Variants in PCDHGA6 observed in about 807,000 individuals in gnomAD.
PCDHGA6 encodes the protein protocadherin gamma-A6.
A neutral mutation model predicts 60.6 loss-of-function variants in PCDHGA6; 41 were observed. The observed-to-expected ratio is 0.68, with a 90% confidence interval of 0.53 to 0.88. PCDHGA6 has a LOEUF of 0.88. PCDHGA6 is among the 40% of genes least tolerant of loss of function. PCDHGA6 has a pLI of 0.00. For synonymous variants in PCDHGA6, 594 were observed against 524.4 expected (o/e 1.13, Z -1.81); for missense variants, 1,312 against 1,203.0 (o/e 1.09, Z -1.34).
intron 1 of PCDHGA6, chr5:141,405,303 G>C: frequency 1.2e-6 from 2 of 1,614,230 alleles, no homozygotes; most frequent in African/African-American, 1.3e-5. Context: ...AGCCAGCAGA[G>C]CTGTGAGAAA....
At chr5:141,420,311 T>C (rs762191274) in intron 1 of PCDHGA6, 102 of 1,454,698 alleles carry the variant, frequency 7.0e-5, no homozygotes, top group Non-Finnish European at 9.3e-5. Flanking sequence ...CTTTTTATAT[T>C]ACAATATGCC....
intron 1 of PCDHGA6, chr5:141,405,534 C>T: frequency 3.1e-6 from 2 of 648,486 alleles, no homozygotes; most frequent in Non-Finnish European, 5.3e-6. Flanking sequence ...ATTCTCCTGC[C>T]TCAGCCTCCC....
rs774113255 is a variant in PCDHGA6 at position 141,405,285 on chromosome 5, C to T, written c.2424+28778C>T. 3.7e-6 allele frequency: 6 copies of T among 1,614,080 alleles called. No individual in the cohort carries two copies. The Admixed American group carries it at 1.0e-4, about 27-fold the overall frequency. On this transcript the variant is annotated intron_variant, in intron 1 of 3. Coordinates refer to ENST00000517434, the MANE Select transcript of PCDHGA6 (RefSeq NM_018919.3). ...TTCCCCCAGCCCAACTATGCAGACACACTCATCAGCCAGCAGAGCTGTGAG... is the reference window on the plus strand; with the variant it reads ...TTCCCCCAGCCCAACTATGCAGACATACTCATCAGCCAGCAGAGCTGTGAG...
At chr5:141,393,735 G>C (rs1478004701) in intron 1 of PCDHGA6, 3 of 1,613,740 alleles carry the variant, frequency 1.9e-6, no homozygotes, top group Non-Finnish European at 1.7e-6. Context: ...AAAAAGTCTA[G>C]ATTATGAAGA....
chr5:141,387,784 T>C (rs2091093181), intron 1 of PCDHGA6: 11 of 1,472,396 alleles, frequency 7.5e-6, no homozygotes, highest in African/African-American at 4.2e-5. Flanking sequence ...GAACTGGAAC[T>C]GCAACTAAAG....
rs1771022536 is a variant in PCDHGA6, at chr5:141,375,000, A to G, written c.917A>G (p.Asn306Ser). 1.9e-6 allele frequency: 3 copies of G among 1,614,046 alleles called. No homozygotes were observed. Among genetic ancestry groups the G allele is most frequent in the Non-Finnish European group, 8.5e-7 (1 of 1,179,906 alleles). Reference sequence around the variant, plus strand: ...ACTGGAGAAATTTCAACTTCTGCAAATCTAGACTATGAGGACTCGAGTTTT... The same window carrying G: ...ACTGGAGAAATTTCAACTTCTGCAAGTCTAGACTATGAGGACTCGAGTTTT... ...VLTGEISTSA[N>S]LDYEDSSFYE... The change falls in exon 1 of 4, where the codon AAT becomes AGT. Residue 306 changes from asparagine (N) to serine (S), a missense_variant. Coordinates refer to ENST00000517434, the MANE Select transcript of PCDHGA6 (RefSeq NM_018919.3).
rs888457230 is a variant in PCDHGA6, at chr5:141,493,727, C to T, written c.2425-1080C>T. On this transcript the variant is annotated intron_variant, in intron 1 of 3. Transcript: ENST00000517434. This position sits in a 1 kb window ranked among gnomAD's most constrained non-coding sequence, Gnocchi z 4.3. ...TGGAATGCTAGGTTTCTGGGTTCTG[C>T]TCATATCACTGCCACCTGTGAGCCT... Among the ~76,000 whole-genome samples, 2 of 152,184 alleles carry T rather than the reference C, an allele frequency of 1.3e-5. No homozygotes were observed. Among genetic ancestry groups the T allele is most frequent in the Admixed American group, 6.5e-5 (1 of 15,280 alleles).
intron 1 of PCDHGA6, chr5:141,408,804 A>G (rs577658697): frequency 1.9e-6 from 3 of 1,613,264 alleles, no homozygotes; most frequent in African/African-American, 2.7e-5. Context: ...AAACTCCTAG[A>G]CCGGGAAGAA....
At position 141,421,727 on chromosome 5, in the gene PCDHGA6, C is replaced by T. The variant is rs779718690; in HGVS notation, c.2424+45220C>T. The T allele has an allele frequency of 4.3e-6, 7 of 1,613,798 alleles. No individual in the cohort carries two copies. In the African/African-American group the frequency reaches 9.3e-5, roughly 22 times the overall value. ...AGGGATCCAGATGTGGGCGTGAACT[C>T]CCTCCAGAGCTACCAGCTCAGCCCT... On this transcript the variant is annotated intron_variant, in intron 1 of 3. Coordinates refer to ENST00000517434, the MANE Select transcript of PCDHGA6 (RefSeq NM_018919.3).
chr5:141,397,910 C>T lies in PCDHGA6; in HGVS notation c.2424+21403C>T. 5 of 680,806 alleles carry T rather than the reference C, an allele frequency of 7.3e-6. No individual in the cohort carries two copies. The South Asian group carries it at 8.1e-5, about 11-fold the overall frequency. 42.2% of individuals were successfully genotyped at this position (680,806 alleles called of 1,614,324 possible). On this transcript the variant is annotated intron_variant, in intron 1 of 3. Transcript: ENST00000517434. ...TGGCCAAAGTGCAGAGCTTGGCGCT[C>T]CAGATCTCCTCGCGCAGCCGCAGCG...
chr5:141,390,781 G>C (rs527538379), intron 1 of PCDHGA6: 97 of 165,826 alleles, frequency 5.8e-4, no homozygotes, highest in Non-Finnish European at 1.1e-3. Flanking sequence ...CTTCCCTTTT[G>C]TTTCAAAAGC....
intron 1 of PCDHGA6, chr5:141,427,201 A>G (rs1272966114): frequency 4.4e-6 from 2 of 456,618 alleles, no homozygotes; most frequent in African/African-American, 4.0e-5. Flanking sequence ...GACTTAATAG[A>G]CTTCGAATTT....
At position 141,431,141 on chromosome 5, in the gene PCDHGA6, G is replaced by C. The variant is rs1262504427; in HGVS notation, c.2424+54634G>C. 1 of 1,614,094 alleles carries C rather than the reference G, an allele frequency of 6.2e-7. No individual in the cohort carries two copies. The highest frequency in any genetic ancestry group is 2.2e-5 in the East Asian group (1 of 44,896). On this transcript the variant is annotated intron_variant, in intron 1 of 3. Coordinates refer to ENST00000517434, the MANE Select transcript of PCDHGA6 (RefSeq NM_018919.3). The surrounding 1 kb of genome is among the most constrained non-coding windows in gnomAD (Gnocchi z 4.8). The stretch of plus-strand genomic sequence containing the variant: ...AGAAGTAGAAGTAAGGGACATTAAC[G>C]ACAATGCGCCTTACTTTCGTGAAAG...
intron 1 of PCDHGA6, chr5:141,392,725 A>G: frequency 7.1e-7 from 1 of 1,399,540 alleles, no homozygotes; most frequent in South Asian, 1.6e-5. Flanking sequence ...TTTCCGGAGG[A>G]TTGTCATCTC....
At chr5:141,492,500 C>G (rs2099741252) in intron 1 of PCDHGA6, among the ~76,000 whole-genome samples, 1 of 152,322 alleles carries the variant, frequency 6.6e-6, no homozygotes, top group South Asian at 2.1e-4. Flanking sequence ...GCGAGGACTC[C>G]GGAGCCTCCT....
chr5:141,449,630 T>G (rs1006977026), intron 1 of PCDHGA6, among the ~76,000 whole-genome samples: 2 of 150,024 alleles, frequency 1.3e-5, no homozygotes, highest in Non-Finnish European at 3.0e-5. Flanking sequence ...TTTAAAAAGA[T>G]GTATCTATAT....
chr5:141,403,054 A>G, intron 1 of PCDHGA6: 6 of 1,614,062 alleles, frequency 3.7e-6, no homozygotes, highest in Non-Finnish European at 5.1e-6. Flanking sequence ...TTCGCTACTC[A>G]GTGCCTGAAG....
chr5:141,382,044 G>T (rs940702463), intron 1 of PCDHGA6, among the ~76,000 whole-genome samples: 4 of 151,760 alleles, frequency 2.6e-5, no homozygotes, highest in African/African-American at 9.7e-5. Flanking sequence ...GGTCAGGCTG[G>T]TCTCAAGCTC....
rs774983500 is a variant in PCDHGA6 at position 141,490,973 on chromosome 5, G to T, written c.2425-3834G>T. ...GACTGGGAACACTCAGCCCCCCAGC[G>T]TCTCCCTCGCTCTGCTCCTCCTGGC... On this transcript the variant is annotated intron_variant, in intron 1 of 3. Transcript: ENST00000517434. The surrounding 1 kb of genome is among the most constrained non-coding windows in gnomAD (Gnocchi z 5.4). 1 of 1,613,932 alleles carries T rather than the reference G, an allele frequency of 6.2e-7. No individual in the cohort carries two copies. The highest frequency in any genetic ancestry group is 1.3e-5 in the African/African-American group (1 of 75,040).
Sources: gnomAD v4.1 joint callset for allele counts (sites outside exome capture counted in the v4.1 genomes callset) on GRCh38, gnomAD v4.1.1 for gene constraint, Gnocchi (gnomAD v3.1) non-coding constraint, MANE v1.5 for transcripts, NCBI Gene and HGNC (gene_info 2026-07-23, HGNC 2026-07-21) for gene names.